TAFA2: variants seen among roughly 807,000 people sequenced by gnomAD.
The protein encoded by TAFA2 is chemokine-like protein TAFA-2.
Under a neutral mutation model 18.8 loss-of-function variants are expected in TAFA2, and 7 were observed. The ratio of observed to expected loss-of-function variants is 0.37; its 90% CI spans 0.21 to 0.70. TAFA2 has a LOEUF of 0.70. TAFA2 is among the 30% of genes least tolerant of loss of function. TAFA2 has a pLI of 0.53. For missense variants in TAFA2, 122 were observed against 158.1 expected (o/e 0.77, Z 1.23); for synonymous variants, 60 against 54.2 (o/e 1.11, Z -0.47).
chr12:62,101,659 T>C (rs1227187046), intron 1 of TAFA2, among the ~76,000 whole-genome samples: 2 of 152,202 alleles, frequency 1.3e-5, no homozygotes, highest in Non-Finnish European at 2.9e-5. Flanking sequence ...TAAGTTCTAC[T>C]TCAGCACAGT....
At chr12:62,029,218 T>C (rs917608338) in intron 1 of TAFA2, among the ~76,000 whole-genome samples, 3 of 152,158 alleles carry the variant, frequency 2.0e-5, no homozygotes, top group African/African-American at 7.2e-5. Context: ...CGATTTATAA[T>C]CTGTAAGGGA....
intron 2 of TAFA2, among the ~76,000 whole-genome samples, chr12:61,771,923 G>A (rs1870045889): frequency 1.4e-5 from 2 of 144,760 alleles, no homozygotes; most frequent in Admixed American, 1.4e-4. Flanking sequence ...AAAAAAAACA[G>A]ATAAATGAAA....
chr12:61,821,816 G>C (rs1288849223), intron 2 of TAFA2, among the ~76,000 whole-genome samples: 1 of 152,116 alleles, frequency 6.6e-6, no homozygotes, highest in Admixed American at 6.5e-5. Context: ...GAATGCTTCA[G>C]ACAGTTTGCC....
chr12:61,851,774 C>A (rs1486250015), intron 2 of TAFA2, among the ~76,000 whole-genome samples: 1 of 14,496 alleles, frequency 6.9e-5, no homozygotes, highest in Non-Finnish European at 1.7e-4. Context: ...GACTCCATCT[C>A]AAAAAAAAAA....
chr12:62,124,156 A>T (rs1870348005), intron 1 of TAFA2, among the ~76,000 whole-genome samples: 1 of 152,180 alleles, frequency 6.6e-6, no homozygotes, highest in Admixed American at 6.6e-5. Flanking sequence ...AATCGCAAAG[A>T]TTGCAAAGAT....
intron 2 of TAFA2, among the ~76,000 whole-genome samples, chr12:61,859,702 A>G (rs1874047142): frequency 6.6e-6 from 1 of 152,156 alleles, no homozygotes; most frequent in Admixed American, 6.5e-5. Flanking sequence ...TCGGTCTCCC[A>G]AAGTGCTGGG....
At chr12:61,914,055 C>T (rs1419384873) in intron 1 of TAFA2, among the ~76,000 whole-genome samples, 1 of 152,152 alleles carries the variant, frequency 6.6e-6, no homozygotes, top group Non-Finnish European at 1.5e-5. Context: ...ATTGACCTAA[C>T]CCAGGGTGCT....
chr12:62,129,140 T>A (rs1413127385), intron 1 of TAFA2, among the ~76,000 whole-genome samples: 1 of 152,048 alleles, frequency 6.6e-6, no homozygotes, highest in Non-Finnish European at 1.5e-5. Flanking sequence ...TTTCTTGGAC[T>A]GTATACACAA....
chr12:61,817,920 G>A (rs1872152151), intron 2 of TAFA2, among the ~76,000 whole-genome samples: 2 of 152,010 alleles, frequency 1.3e-5, no homozygotes, highest in Admixed American at 6.6e-5. Context: ...ATGGCTCTAG[G>A]GAGCCTCTGC....
At chr12:61,752,251 A>G (rs1445247205) in intron 4 of TAFA2, among the ~76,000 whole-genome samples, 1 of 152,022 alleles carries the variant, frequency 6.6e-6, no homozygotes, top group Non-Finnish European at 1.5e-5. Flanking sequence ...TGTTTTAAGT[A>G]TACAATAAAT....
chr12:61,850,667 A>AT (rs1467721105), intron 2 of TAFA2, among the ~76,000 whole-genome samples: 1 of 151,998 alleles, frequency 6.6e-6, no homozygotes, highest in Non-Finnish European at 1.5e-5. Flanking sequence ...TTGAGATTTT[A>AT]TTTTTTAAAA....
At chr12:61,769,152 G>T (rs185039490) in intron 2 of TAFA2, among the ~76,000 whole-genome samples, 2 of 151,420 alleles carry the variant, frequency 1.3e-5, no homozygotes, top group East Asian at 3.9e-4. Context: ...ATCAGCCTGA[G>T]AACTATATCC....
intron 4 of TAFA2, among the ~76,000 whole-genome samples, chr12:61,735,936 T>C (rs2120676455): frequency 6.6e-6 from 1 of 152,156 alleles, no homozygotes; most frequent in Middle Eastern, 3.4e-3. Flanking sequence ...CAAGCATGCC[T>C]TAAACATATC....
chr12:61,846,368 G>C (rs1440356734), intron 2 of TAFA2, among the ~76,000 whole-genome samples: 1 of 152,066 alleles, frequency 6.6e-6, no homozygotes, highest in Non-Finnish European at 1.5e-5. Context: ...GAGTCAACAG[G>C]ATTTTCTAAA....
At chr12:61,818,899 AC>A (rs1183221768) in intron 2 of TAFA2, among the ~76,000 whole-genome samples, 3 of 152,194 alleles carry the variant, frequency 2.0e-5, no homozygotes, top group Non-Finnish European at 2.9e-5. Flanking sequence ...CAATGAAAAG[AC>A]TGAGACTCAG....
intron 1 of TAFA2, among the ~76,000 whole-genome samples, chr12:61,976,940 T>G (rs1471583849): frequency 6.6e-5 from 10 of 152,074 alleles, no homozygotes; most frequent in Admixed American, 6.6e-4. Flanking sequence ...ACATTTGGGT[T>G]GGTTCCAAGT....
intron 1 of TAFA2, among the ~76,000 whole-genome samples, chr12:61,960,792 T>TAA (rs1191198061): frequency 6.6e-6 from 1 of 150,478 alleles, no homozygotes; most frequent in East Asian, 2.0e-4. Flanking sequence ...AAAAAAAATC[T>TAA]TCTTTTCTCA....
At chr12:61,980,296 A>T (rs1229151385) in intron 1 of TAFA2, among the ~76,000 whole-genome samples, 1 of 152,128 alleles carries the variant, frequency 6.6e-6, no homozygotes, top group East Asian at 1.9e-4. Flanking sequence ...TATTGATAGA[A>T]TGAATGTATC....
intron 1 of TAFA2, among the ~76,000 whole-genome samples, chr12:62,012,414 A>T (rs1013686152): frequency 2.5e-4 from 1 of 4,042 alleles, no homozygotes; most frequent in Non-Finnish European, 7.5e-4. Flanking sequence ...TCAGCATTTA[A>T]AAAAAAAAAA....
Sources: gnomAD v4.1 joint callset for allele counts (sites outside exome capture counted in the v4.1 genomes callset) on GRCh38, gnomAD v4.1.1 for gene constraint, MANE v1.5 for transcripts, NCBI Gene and HGNC (gene_info 2026-07-23, HGNC 2026-07-21) for gene names.